Variants in ARF1 observed in about 807,000 individuals in gnomAD.
The protein encoded by ARF1 is ARF GTPase 1, also known as ADP-ribosylation factor 1.
ARF1 carries 1 observed loss-of-function variant against 18.0 expected under a neutral mutation model. The observed-to-expected ratio is 0.06, with a 90% CI of 0.02 to 0.26. ARF1 has a LOEUF of 0.26. Among genes scored for constraint, ARF1 ranks in the 10% least tolerant of loss-of-function variants. The probability of loss-of-function intolerance (pLI) is 1.00; values close to 1 mark genes in which losing one functional copy is unlikely to be tolerated. For synonymous variants in ARF1, 112 were observed against 96.3 expected, an observed-to-expected ratio of 1.16 and a Z score of -0.95; for missense variants, 73 against 247.2, an observed-to-expected ratio of 0.30 and a Z score of 4.73.
chr1:228,092,839 C>T (rs1010799824), intron 1 of ARF1, among the ~76,000 whole-genome samples: 1 of 152,154 alleles, frequency 6.6e-6, no homozygotes, highest in African/African-American at 2.4e-5. Flanking sequence ...GGACACAAAA[C>T]GGATGTGAAC....
chr1:228,095,323 A>G (rs1571842565), intron 1 of ARF1, among the ~76,000 whole-genome samples: 1 of 151,832 alleles, frequency 6.6e-6, no homozygotes, highest in South Asian at 2.1e-4. Flanking sequence ...TTGTGTGTGG[A>G]TCTGCTGGGG....
In ARF1 at chr1:228,097,833, C is replaced by T. The variant is rs1434319310; in HGVS notation, c.385-19C>T. 3.7e-6 allele frequency: 6 copies of T among 1,609,640 alleles called. No individual in the cohort carries two copies. The highest frequency in any genetic ancestry group is 2.2e-5 in the South Asian group (2 of 90,572). Reference sequence around the variant, plus strand: ...CTGTCCTGTGGACAGCCCTTCCCACCAACCCTTCCTTCCCCCAGGACCTCC... The same window carrying T: ...CTGTCCTGTGGACAGCCCTTCCCACTAACCCTTCCTTCCCCCAGGACCTCC... On this transcript the variant is annotated intron_variant, in intron 4 of 4. Coordinates refer to ENST00000272102, the MANE Select transcript of ARF1 (RefSeq NM_001658.4). This position sits in a 1 kb window ranked among gnomAD's most constrained non-coding sequence, Gnocchi z 8.1.
At chr1:228,085,588 C>T (rs2032366501) in intron 1 of ARF1, among the ~76,000 whole-genome samples, 1 of 152,208 alleles carries the variant, frequency 6.6e-6, no homozygotes, top group Non-Finnish European at 1.5e-5. Context: ...GGGCTTGCAG[C>T]CGGTTGTCAG....
rs1282108998 is a variant in ARF1, at chr1:228,098,712, T to C, written c.*699T>C. Reference sequence around the variant, plus strand: ...CTGGGAGCCCACAGCCACCCCACTATGCCGCAGGCCGCCCTACCCACCTTC... The same window carrying C: ...CTGGGAGCCCACAGCCACCCCACTACGCCGCAGGCCGCCCTACCCACCTTC... On this transcript the variant is annotated 3_prime_UTR_variant, in exon 5 of 5. Coordinates refer to ENST00000272102, the MANE Select transcript of ARF1 (RefSeq NM_001658.4). 6.5e-6 allele frequency: 1 copy of C among 152,724 alleles called. No homozygotes were observed. The highest frequency in any genetic ancestry group is 1.5e-5 in the Non-Finnish European group (1 of 68,066). The allele number at this position is 152,724 out of a possible 1,614,324, so 9.5% of individuals were successfully genotyped here. A position where few individuals can be genotyped will look rare whatever the true frequency, so the allele number is the denominator to read the frequency against.
Position 228,097,318 on chromosome 1 carries a change from C to T in ARF1, c.149-24C>T, listed in dbSNP as rs1391877225. On this transcript the variant is annotated intron_variant, in intron 2 of 4. Transcript: ENST00000272102. The surrounding 1 kb of genome is among the most constrained non-coding windows in gnomAD (Gnocchi z 8.1). ...GGCTGGGCTGGGCCAAGGTACAAGGCCTCACCCTGCATCCCGCACCCAGGC... is the reference window on the plus strand; with the variant it reads ...GGCTGGGCTGGGCCAAGGTACAAGGTCTCACCCTGCATCCCGCACCCAGGC... 23 of 1,612,024 alleles carry T rather than the reference C, an allele frequency of 1.4e-5. No homozygotes were observed. In the Admixed American group the frequency reaches 1.8e-4, roughly 13 times the overall value.
At chr1:228,096,984 G>A (rs1163041641) in intron 1 of ARF1, 94 bp from the exon 2 acceptor site, 2 of 1,151,044 alleles carry the variant, frequency 1.7e-6, no homozygotes, top group African/African-American at 3.1e-5. Flanking sequence ...TCCAGGAGGT[G>A]GGGTGAGGCA....
At chr1:228,086,487 G>A (rs1485453594) in intron 1 of ARF1, among the ~76,000 whole-genome samples, 2 of 151,136 alleles carry the variant, frequency 1.3e-5, no homozygotes, top group African/African-American at 2.4e-5. Flanking sequence ...CTGCACTCCA[G>A]CCTGGGCAAC....
intron 1 of ARF1, among the ~76,000 whole-genome samples, chr1:228,093,648 C>T (rs1482531391): frequency 2.0e-5 from 3 of 148,576 alleles, no homozygotes; most frequent in South Asian, 2.1e-4. Context: ...AAAATCCGGG[C>T]GTGGTGGCTC....
Position 228,089,035 on chromosome 1 carries a change from G to GA in ARF1, c.-38+6271dup, listed in dbSNP as rs1193479507. Among the ~76,000 whole-genome samples the GA allele has an allele frequency of 1.3e-5, 2 of 152,196 alleles. No homozygotes were observed. Among genetic ancestry groups the GA allele is most frequent in the African/African-American group, 4.8e-5 (2 of 41,452 alleles). ...TGAGAACACGCAGGAGGAGGCTGGAGACGGGGTTCTTGCCTGGGGAACAGG... is the reference window on the plus strand; with the variant it reads ...TGAGAACACGCAGGAGGAGGCTGGAGAACGGGGTTCTTGCCTGGGGAACAGG... On this transcript the variant is annotated intron_variant, in intron 1 of 4. Coordinates refer to ENST00000272102, the MANE Select transcript of ARF1 (RefSeq NM_001658.4). This position sits in a 1 kb window ranked among gnomAD's most constrained non-coding sequence, Gnocchi z 4.1.
intron 1 of ARF1, among the ~76,000 whole-genome samples, chr1:228,087,160 G>GACCTAGTTCCAAA (rs1290371363): frequency 6.6e-6 from 1 of 152,128 alleles, no homozygotes; most frequent in Non-Finnish European, 1.5e-5. Flanking sequence ...ATTTCCAAAG[G>GACCTAGTTCCAAA]GCTTCCAGTG....
intron 1 of ARF1, among the ~76,000 whole-genome samples, chr1:228,085,854 G>C (rs1393756723): frequency 6.6e-6 from 1 of 152,206 alleles, no homozygotes; most frequent in Non-Finnish European, 1.5e-5. Context: ...GTCTATAGTT[G>C]TGGATTGCAA....
At chr1:228,086,799 C>G (rs1190333481) in intron 1 of ARF1, among the ~76,000 whole-genome samples, 1 of 152,156 alleles carries the variant, frequency 6.6e-6, no homozygotes, top group Non-Finnish European at 1.5e-5. Flanking sequence ...TAATTGAACC[C>G]AAGGGGAAGG....
chr1:228,092,077 G>A (rs1339375183), intron 1 of ARF1, among the ~76,000 whole-genome samples: 1 of 152,164 alleles, frequency 6.6e-6, no homozygotes, highest in Non-Finnish European at 1.5e-5. Context: ...AGATTAGATA[G>A]TAAAACTGAG....
rs2032867444 is a variant in ARF1 at position 228,099,183 on chromosome 1, C to T, written c.*1170C>T. 6.6e-6 allele frequency: 1 copy of T among 152,652 alleles called. No individual in the cohort carries two copies. The highest frequency in any genetic ancestry group is 6.5e-5 in the Admixed American group (1 of 15,284). 9.5% of individuals were successfully genotyped at this position (152,652 alleles called of 1,614,324 possible). A position where few individuals can be genotyped will look rare whatever the true frequency, so the allele number is the denominator to read the frequency against. On this transcript the variant is annotated 3_prime_UTR_variant, in exon 5 of 5. Coordinates refer to ENST00000272102, the MANE Select transcript of ARF1 (RefSeq NM_001658.4). ...CGACAAACAAGCACTGTAATTATAG[C>T]TATTAGAATAAAATCTCTTAACTAT... is the stretch of plus-strand genomic sequence containing the variant.
At chr1:228,086,748 C>G (rs1177828362) in intron 1 of ARF1, among the ~76,000 whole-genome samples, 2 of 152,126 alleles carry the variant, frequency 1.3e-5, no homozygotes, top group Admixed American at 1.3e-4. Context: ...AACCAGTAAC[C>G]TTTAGTGTTT....
intron 1 of ARF1, among the ~76,000 whole-genome samples, chr1:228,090,023 G>A (rs566246863): frequency 1.3e-5 from 2 of 152,344 alleles, no homozygotes; most frequent in African/African-American, 4.8e-5. Flanking sequence ...GGGCACTGTG[G>A]ACTCAGCCTC....
chr1:228,087,526 A>C (rs2032444057), intron 1 of ARF1, among the ~76,000 whole-genome samples: 1 of 152,290 alleles, frequency 6.6e-6, no homozygotes, highest in Admixed American at 6.5e-5. Flanking sequence ...AGTGCAATCT[A>C]CTTGGGAGGC....
chr1:228,095,650 G>C (rs887462154), intron 1 of ARF1, among the ~76,000 whole-genome samples: 11 of 152,216 alleles, frequency 7.2e-5, no homozygotes, highest in African/African-American at 2.7e-4. Flanking sequence ...GGCAGTCCCA[G>C]CTTCATCCCT....
chr1:228,085,461 T>C (rs1232985257), intron 1 of ARF1, among the ~76,000 whole-genome samples: 1 of 152,142 alleles, frequency 6.6e-6, no homozygotes, highest in Admixed American at 6.5e-5. Flanking sequence ...TCTCAGGTCC[T>C]CCCCCAGGGT....
Sources: allele counts gnomAD v4.1 joint callset (sites outside exome capture counted in the v4.1 genomes callset), GRCh38; gene constraint gnomAD v4.1.1; non-coding constraint Gnocchi (gnomAD v3.1); transcripts MANE v1.5; gene names NCBI Gene and HGNC (gene_info 2026-07-23, HGNC 2026-07-21).